The following XRN2 variants were observed in gnomAD, a reference collection of about 807,000 sequenced individuals.
The protein encoded by XRN2 is 5'-3' exoribonuclease 2, also known as DHM1-like protein.
A neutral mutation model predicts 138.5 loss-of-function variants in XRN2; 44 were observed. The ratio of observed to expected loss-of-function variants is 0.32; its 90% CI spans 0.25 to 0.41. XRN2 has a LOEUF of 0.41. Among genes scored for constraint, XRN2 ranks in the 10% least tolerant of loss-of-function variants. The pLI is 1.00. For missense variants in XRN2, 937 were observed against 1,169.3 expected (o/e 0.80, Z 2.90); for synonymous variants, 354 against 369.4 (o/e 0.96, Z 0.48).
intron 27 of XRN2, among the ~76,000 whole-genome samples, chr20:21,377,361 A>T (rs887678316): frequency 7.2e-6 from 1 of 139,066 alleles, no homozygotes; most frequent in Non-Finnish European, 1.5e-5. Flanking sequence ...GGTTCAAGTG[A>T]TTCTCCTGCC....
chr20:21,321,814 G>A lies in XRN2; in HGVS notation c.76-4465G>A, dbSNP rs73607457. Among the ~76,000 whole-genome samples the A allele has an allele frequency of 1.6e-3, 242 of 152,284 alleles. 2 individuals are homozygous for A. In the East Asian group the frequency reaches 0.021, roughly 13 times the overall value. ...ATTTACCAGTTTCACTGGGGAGCAG[G>A]TCGTTGAAGCTCTTCATGCTGTCAT... On this transcript the variant is annotated intron_variant, in intron 1 of 29. Coordinates refer to ENST00000377191, the MANE Select transcript of XRN2 (RefSeq NM_012255.5).
rs773104188 is a variant in XRN2, at chr20:21,330,461, A to T, written c.428-20A>T. ...TCTCACTTTTTATGGGGAGAACAAA[A>T]CGTTGCCTCTTTTCTCTAGGTGGCT... On this transcript the variant is annotated intron_variant, in intron 4 of 29. Coordinates refer to ENST00000377191, the MANE Select transcript of XRN2 (RefSeq NM_012255.5). The T allele has an allele frequency of 6.2e-7, 1 of 1,612,080 alleles. No individual in the cohort carries two copies. The highest frequency in any genetic ancestry group is 1.1e-5 in the South Asian group (1 of 90,694).
In XRN2 at chr20:21,375,829, T is replaced by TTTTATTTATTTA. The variant is rs1555788112; in HGVS notation, c.2585-6149_2585-6138dup. On this transcript the variant is annotated intron_variant, in intron 27 of 29. Coordinates refer to ENST00000377191, the MANE Select transcript of XRN2 (RefSeq NM_012255.5). ...AGGTGTTTTTATTTATTTATTTATTTTTTATTTATTTATTTATTTATTTAT... is the reference window on the plus strand; with the variant it reads ...AGGTGTTTTTATTTATTTATTTATTTTTTATTTATTTATTTATTTATTTATTTATTTATTTAT... 4.6e-3 allele frequency among the ~76,000 whole-genome samples: 619 copies of TTTTATTTATTTA among 135,968 alleles called. 5 individuals are homozygous for TTTTATTTATTTA. The highest frequency in any genetic ancestry group is 0.016 in the African/African-American group (575 of 36,808). The allele number at this position is 135,968 out of a possible 152,430, so 89.2% of individuals were successfully genotyped here. A position where few individuals can be genotyped will look rare whatever the true frequency, so the allele number is the denominator to read the frequency against.
At chr20:21,309,187 T>A in intron 1 of XRN2, among the ~76,000 whole-genome samples, 2 of 152,216 alleles carry the variant, frequency 1.3e-5, no homozygotes, top group East Asian at 3.8e-4. Context: ...TGACCTCAAA[T>A]TGAGTTCCTT....
intron 17 of XRN2, among the ~76,000 whole-genome samples, chr20:21,347,487 C>G (rs997921526): frequency 5.9e-5 from 9 of 152,202 alleles, no homozygotes; most frequent in African/African-American, 2.2e-4. Context: ...GAAAGTAACA[C>G]AGTGCACTGA....
chr20:21,361,695 A>G lies in XRN2; in HGVS notation c.2256-3726A>G, dbSNP rs149794073. ...TTTAAATGACATAGACATGAAAAAA[A>G]TAAAAGACCTTCAAATGTTTGGATC... On this transcript the variant is annotated intron_variant, in intron 24 of 29. Transcript: ENST00000377191. 5.7e-3 allele frequency among the ~76,000 whole-genome samples: 869 copies of G among 152,346 alleles called. 7 individuals carry two copies. The highest frequency in any genetic ancestry group is 0.018 in the African/African-American group (745 of 41,578).
chr20:21,354,656 A>G (rs1267389651), intron 20 of XRN2, 133 bp from the exon 21 acceptor site: 18 of 748,018 alleles, frequency 2.4e-5, no homozygotes, highest in Non-Finnish European at 3.6e-5. Flanking sequence ...TAATGAGACA[A>G]TAAGAGTTCA....
At chr20:21,339,005 G>A in intron 13 of XRN2, 39 bp from the exon 14 acceptor site, 1 of 1,568,558 alleles carries the variant, frequency 6.4e-7, no homozygotes, top group Non-Finnish European at 8.7e-7. Flanking sequence ...ACATTTTTGT[G>A]TAATTATTTG....
chr20:21,359,307 G>T (rs1418827435), intron 24 of XRN2, among the ~76,000 whole-genome samples: 1 of 152,072 alleles, frequency 6.6e-6, no homozygotes, highest in African/African-American at 2.4e-5. Context: ...CAGGGTGGTG[G>T]GTGGATCATC....
In XRN2 at chr20:21,356,630, G is replaced by A. The variant is rs781073046; in HGVS notation, c.2163G>A (p.Lys721=). The A allele has an allele frequency of 1.8e-5, 29 of 1,613,650 alleles. No homozygotes were observed. In the Admixed American group the frequency reaches 4.0e-4, roughly 22 times the overall value. ...AACTATGTCATGGGATTCAAGGAAA[G>A]TTTTCTTTGGATGAAGAAGCCATTC... ...PPELCHGIQG[K]FSLDEEAILP... The change falls in exon 23 of 30, where the codon AAG becomes AAA. Residue 721 remains lysine (K), a synonymous_variant. Transcript: ENST00000377191.
chr20:21,320,349 G>T (rs2038022153), intron 1 of XRN2, among the ~76,000 whole-genome samples: 1 of 151,164 alleles, frequency 6.6e-6, no homozygotes, highest in South Asian at 2.1e-4. Context: ...ACCCAGGCTG[G>T]AGTGCAGTGG....
Position 21,348,243 on chromosome 20 carries a change from G to C in XRN2, c.1763G>C (p.Gly588Ala), listed in dbSNP as rs762248559. The change falls in exon 18 of 30, where the codon GGT becomes GCT. Residue 588 changes from glycine to alanine, a missense_variant. By Grantham distance (60) the Gly-to-Ala change is moderately conservative (BLOSUM62 0). Around this residue, in one of 6 missense-constraint regions of XRN2, gnomAD observed 471 missense variants for 581.2 expected, o/e 0.81. Coordinates refer to ENST00000377191, the MANE Select transcript of XRN2 (RefSeq NM_012255.5). ...GACATGCCATCTGATTTTGAGAAGG[G>C]TACGAAACCGGTAAGCTTAATTACT... ...IADMPSDFEK[G>A]TKPFKPLEQL... 6.2e-7 allele frequency: 1 copy of C among 1,613,714 alleles called. No individual in the cohort carries two copies. The highest frequency in any genetic ancestry group is 1.3e-5 in the African/African-American group (1 of 74,896).
Position 21,334,199 on chromosome 20 carries a change from A to G in XRN2, c.1233+14A>G. ...AAGGATGATGAGGTAAAGTGTTTCT[A>G]TTGCAGTAGCTAAAATTGCTCCTGT... is the stretch of plus-strand genomic sequence containing the variant. On this transcript the variant is annotated intron_variant, in intron 13 of 29. Coordinates refer to ENST00000377191, the MANE Select transcript of XRN2 (RefSeq NM_012255.5). The G allele has an allele frequency of 6.2e-7, 1 of 1,606,776 alleles. No homozygotes were observed. The highest frequency in any genetic ancestry group is 8.5e-7 in the Non-Finnish European group (1 of 1,174,966).
intron 1 of XRN2, among the ~76,000 whole-genome samples, chr20:21,315,716 A>G (rs2037949989): frequency 6.6e-6 from 1 of 152,100 alleles, no homozygotes; most frequent in South Asian, 2.1e-4. Flanking sequence ...CTGGTCTCGA[A>G]TCAACTCCTG....
intron 28 of XRN2, among the ~76,000 whole-genome samples, chr20:21,385,798 C>T (rs1039558740): frequency 6.6e-6 from 1 of 152,132 alleles, no homozygotes. Flanking sequence ...CCTAAGACCT[C>T]GGAAGTGAAA....
Position 21,344,208 on chromosome 20 carries a change from G to A in XRN2, c.1529G>A (p.Arg510Lys). ...DSEPEPEDNV[R>K]LWEAGWKQRY... Reference sequence around the variant, plus strand: ...GAACCTGAGCCAGAGGATAATGTCAGGTGAAGCCATTTTTTGGTAGCACTT... The same window carrying A: ...GAACCTGAGCCAGAGGATAATGTCAAGTGAAGCCATTTTTTGGTAGCACTT... The change falls in exon 16 of 30, where the codon AGG (arginine) becomes AAG (lysine). Residue 510 changes from arginine (R) to lysine (K), a missense_variant and splice_region_variant. Arg to Lys is a conservative substitution (Grantham distance 26, BLOSUM62 2). Transcript: ENST00000377191. The A allele has an allele frequency of 6.2e-7, 1 of 1,609,928 alleles. No homozygotes were observed. The highest frequency in any genetic ancestry group is 8.5e-7 in the Non-Finnish European group (1 of 1,176,666).
chr20:21,320,283 T>TTATG (rs1555783279), intron 1 of XRN2, among the ~76,000 whole-genome samples: 1,177 of 79,662 alleles, frequency 0.015, 10 homozygotes, highest in Non-Finnish European at 0.024. Context: ...ATTTATGTAT[T>TTATG]TATTTATTTA....
Position 21,326,087 on chromosome 20 carries a change from C to T in XRN2, c.76-192C>T, listed in dbSNP as rs2038124834. Among the ~76,000 whole-genome samples the T allele has an allele frequency of 2.0e-5, 3 of 152,128 alleles. No individual in the cohort carries two copies. In the South Asian group the frequency reaches 6.2e-4, roughly 32 times the overall value. On this transcript the variant is annotated intron_variant, in intron 1 of 29. Coordinates refer to ENST00000377191, the MANE Select transcript of XRN2 (RefSeq NM_012255.5). Reference sequence around the variant, plus strand: ...TGTCAAAAATAACTTGTGTTAGAAGCCATCCACTTTCTACAGATAAAATAT... The same window carrying T: ...TGTCAAAAATAACTTGTGTTAGAAGTCATCCACTTTCTACAGATAAAATAT...
intron 27 of XRN2, among the ~76,000 whole-genome samples, chr20:21,373,487 G>A (rs1212305146): frequency 1.3e-5 from 2 of 152,210 alleles, no homozygotes; most frequent in Admixed American, 6.5e-5. Context: ...CTCCATAGGA[G>A]TGGAATTGCA....
Sources: allele counts gnomAD v4.1 joint callset (sites outside exome capture counted in the v4.1 genomes callset), GRCh38; gene constraint gnomAD v4.1.1; regional missense constraint gnomAD v4.1.1; transcripts MANE v1.5; gene names NCBI Gene and HGNC (gene_info 2026-07-23, HGNC 2026-07-21).